The following PRPF3 variants were observed in gnomAD, a reference collection of about 807,000 sequenced individuals.
The protein encoded by PRPF3 is U4/U6 small nuclear ribonucleoprotein Prp3.
In PRPF3, 3 loss-of-function variants were observed where a neutral mutation model predicts 89.2. That is an observed-to-expected ratio of 0.03 (90% CI 0.02 to 0.09). The LOEUF (loss-of-function observed/expected upper bound fraction) is 0.09, where lower values mean the gene tolerates loss of function less well. Among genes scored for constraint, PRPF3 ranks in the 10% least tolerant of loss-of-function variants. The pLI is 1.00. For synonymous variants in PRPF3, 270 were observed against 289.1 expected (o/e 0.93, Z 0.67); for missense variants, 463 against 828.8 (o/e 0.56, Z 5.42).
intron 9 of PRPF3, among the ~76,000 whole-genome samples, chr1:150,341,300 T>C (rs1553870719): frequency 1.3e-5 from 2 of 151,894 alleles, no homozygotes; most frequent in African/African-American, 4.8e-5. Context: ...TGGTGTGTTA[T>C]TAGATGCGAT....
chr1:150,328,190 G>C, intron 3 of PRPF3, 130 bp from the exon 4 acceptor site: 1 of 1,022,416 alleles, frequency 9.8e-7, no homozygotes, highest in East Asian at 2.4e-5. Context: ...GCTTCTGGCA[G>C]GTGGCTATTT....
chr1:150,326,009 C>A, intron 3 of PRPF3, 128 bp downstream of exon 3: 2 of 1,182,434 alleles, frequency 1.7e-6, no homozygotes, highest in Non-Finnish European at 2.5e-6. Flanking sequence ...GGTACTTAGA[C>A]ATTAGAGTAG....
chr1:150,330,365 G>C (rs1024487526), intron 4 of PRPF3: 1 of 152,174 alleles, frequency 6.6e-6, no homozygotes, highest in African/African-American at 2.4e-5. Flanking sequence ...TTTCTTTTTT[G>C]GGGGGTGGGG....
intron 12 of PRPF3, 51 bp from the exon 13 acceptor site, chr1:150,345,967 G>A (rs782248630): frequency 1.0e-5 from 14 of 1,399,988 alleles, no homozygotes; most frequent in Non-Finnish European, 1.3e-5. Context: ...CTCCATTCAG[G>A]CAGCTGCTGA....
At chr1:150,352,806 TG>T (rs781783299) in intron 15 of PRPF3, 26 bp from the exon 16 acceptor site, 1 of 1,609,512 alleles carries the variant, frequency 6.2e-7, no homozygotes, top group African/African-American at 1.3e-5. Flanking sequence ...GAAATTGAAG[TG>T]TTTTTATTAT....
chr1:150,345,881 A>T, intron 12 of PRPF3, 137 bp from the exon 13 acceptor site: 1 of 762,420 alleles, frequency 1.3e-6, no homozygotes. Flanking sequence ...CCTTTTAAGC[A>T]TTCATCTATT....
In PRPF3 at chr1:150,325,785, C is replaced by G; in HGVS notation, c.180C>G (p.Leu60=). ...AACCTTTTCTTGATGATTCTACTCT[C>G]CGATTTGTGGACAAACTGTTTGAGG... ...HLKPFLDDST[L]RFVDKLFEAV... is the part of the protein sequence containing the mutation. The change falls in exon 3 of 16, where the codon CTC becomes CTG. Residue 60 remains leucine, a synonymous_variant. Transcript: ENST00000324862. The G allele has an allele frequency of 6.2e-7, 1 of 1,613,590 alleles. No homozygotes were observed. Among genetic ancestry groups the G allele is most frequent in the Non-Finnish European group, 8.5e-7 (1 of 1,179,656 alleles).
At chr1:150,325,437 G>A (rs1655593707) in intron 2 of PRPF3, among the ~76,000 whole-genome samples, 1 of 152,130 alleles carries the variant, frequency 6.6e-6, no homozygotes, top group African/African-American at 2.4e-5. Context: ...AAGCTTGAAG[G>A]AGGTAGATTT....
chr1:150,342,811 G>A (rs1211133513), intron 9 of PRPF3, among the ~76,000 whole-genome samples: 3 of 151,838 alleles, frequency 2.0e-5, no homozygotes, highest in Non-Finnish European at 4.4e-5. Context: ...GTGATCCACC[G>A]CACCTGGCCT....
intron 15 of PRPF3, among the ~76,000 whole-genome samples, chr1:150,350,659 T>C (rs1572292046): frequency 1.3e-5 from 2 of 152,208 alleles, no homozygotes; most frequent in Non-Finnish European, 2.9e-5. Context: ...ATTCTAATTA[T>C]ACAGAAGAGT....
rs1656814092 is a variant in PRPF3 at position 150,334,989 on chromosome 1, A to G, written c.783A>G (p.Gln261=). ...TKPTPLILDE[Q]GRTVDATGKE... is the part of the protein sequence containing the mutation. The stretch of plus-strand genomic sequence containing the variant: ...CTACACCACTGATCCTGGATGAGCA[A>G]GGGCGCACTGTAGATGCAACAGGCA... The change falls in exon 7 of 16, where the codon CAA becomes CAG. Residue 261 remains glutamine (Q), a synonymous_variant. Coordinates refer to ENST00000324862, the MANE Select transcript of PRPF3 (RefSeq NM_004698.4). 6.2e-7 allele frequency: 1 copy of G among 1,614,010 alleles called. No homozygotes were observed. The highest frequency in any genetic ancestry group is 8.5e-7 in the Non-Finnish European group (1 of 1,180,032).
intron 6 of PRPF3, 53 bp downstream of exon 6, chr1:150,333,252 T>C: frequency 6.4e-7 from 1 of 1,571,936 alleles, no homozygotes; most frequent in Non-Finnish European, 8.7e-7. Context: ...TGAGAAGCAA[T>C]AAATACCTTT....
chr1:150,343,248 A>AAT (rs66790680), intron 9 of PRPF3, 61 bp from the exon 10 acceptor site: 333 of 448,502 alleles, frequency 7.4e-4, no homozygotes, highest in South Asian at 1.6e-3. Context: ...AAAAAAAAAA[A>AAT]ATATATATAT....
At chr1:150,349,878 T>G (rs1658720663) in intron 15 of PRPF3, among the ~76,000 whole-genome samples, 1 of 38,482 alleles carries the variant, frequency 2.6e-5, no homozygotes, top group Non-Finnish European at 6.5e-5. Flanking sequence ...TGTATATCTT[T>G]TTTTGGGGGC....
Position 150,324,028 on chromosome 1 carries a change from C to T in PRPF3, c.-48-867C>T, listed in dbSNP as rs184840919. On this transcript the variant is annotated intron_variant, in intron 1 of 15. Transcript: ENST00000324862. ...ACTCCTGACCTCGTGATCCACCTGC[C>T]TCAGCCTCCCAAAGTGCTGGGATTA... Among the ~76,000 whole-genome samples, 1,133 of 152,230 alleles carry T rather than the reference C, an allele frequency of 7.4e-3. 13 individuals carry two copies. Among genetic ancestry groups the T allele is most frequent in the Middle Eastern group, 0.017 (5 of 294 alleles).
intron 4 of PRPF3, among the ~76,000 whole-genome samples, chr1:150,332,211 G>A (rs1456613314): frequency 1.5e-5 from 2 of 137,900 alleles, no homozygotes; most frequent in African/African-American, 5.5e-5. Flanking sequence ...GTGACAGAGC[G>A]AGACTCCATC....
chr1:150,329,540 A>G (rs1015377562), intron 4 of PRPF3, among the ~76,000 whole-genome samples: 1 of 152,242 alleles, frequency 6.6e-6, no homozygotes, highest in Non-Finnish European at 1.5e-5. Flanking sequence ...AGACTCTCCA[A>G]ACATAATGCA....
At chr1:150,352,401 C>A (rs145739635) in intron 15 of PRPF3, among the ~76,000 whole-genome samples, 18 of 152,348 alleles carry the variant, frequency 1.2e-4, no homozygotes, top group African/African-American at 4.3e-4. Context: ...CGCGGTGGCT[C>A]ACGCCTATAA....
intron 6 of PRPF3, among the ~76,000 whole-genome samples, chr1:150,334,690 C>T (rs1553866752): frequency 1.3e-5 from 2 of 151,998 alleles, no homozygotes; most frequent in African/African-American, 4.8e-5. Flanking sequence ...CCTCCTCAAC[C>T]TCCTGAGTAG....
Sources: allele counts gnomAD v4.1 joint callset (sites outside exome capture counted in the v4.1 genomes callset), GRCh38; gene constraint gnomAD v4.1.1; transcripts MANE v1.5; gene names NCBI Gene and HGNC (gene_info 2026-07-23, HGNC 2026-07-21).